GBF1: variants seen among roughly 807,000 people sequenced by gnomAD.
GBF1 encodes golgi brefeldin A resistant guanine nucleotide exchange factor 1, also known as Golgi-specific brefeldin A-resistance guanine nucleotide exchange factor 1.
In GBF1, 114 loss-of-function variants were observed where a neutral mutation model predicts 210.5. The ratio of observed to expected loss-of-function variants is 0.54; its 90% CI spans 0.47 to 0.63. The LOEUF is 0.63. Ranked by LOEUF, GBF1 falls within the 30% of genes least tolerant of loss-of-function variation. GBF1 has a pLI of 0.00. For missense variants in GBF1, 1,851 were observed against 2,357.7 expected, an observed-to-expected ratio of 0.79 and a Z score of 4.45; for synonymous variants, 850 against 889.2, an observed-to-expected ratio of 0.96 and a Z score of 0.78.
intron 39 of GBF1, 123 bp from the exon 40 acceptor site, chr10:102,381,933 G>T (rs1265871411): frequency 1.3e-5 from 9 of 701,190 alleles, no homozygotes; most frequent in Non-Finnish European, 1.8e-5. Context: ...AGGCTGGTGG[G>T]GGGCCGTGTT....
chr10:102,358,123 A>G lies in GBF1; in HGVS notation c.724A>G (p.Lys242Glu). 2 of 1,613,328 alleles carry G rather than the reference A, an allele frequency of 1.2e-6. No homozygotes were observed. The highest frequency in any genetic ancestry group is 8.5e-7 in the Non-Finnish European group (1 of 1,179,234). ...RSPRPPRHMT[K>E]VTPGSELPTP... ...CCCTCGGCCCCCACGCCATATGACC[A>G]AAGTCACACCAGGTTCAGAGCTGCC... is the stretch of plus-strand genomic sequence containing the variant. Residue 242 changes from lysine to glutamate, a missense_variant, in exon 9 of 40, where the codon AAA (lysine) becomes GAA (glutamate). Physicochemically the swap from Lys to Glu is moderately conservative, Grantham distance 56. Around this residue, in one of 3 missense-constraint regions of GBF1, gnomAD observed 804 missense variants for 958.6 expected, o/e 0.84. Coordinates refer to ENST00000369983, the MANE Select transcript of GBF1 (RefSeq NM_001377137.1).
intron 23 of GBF1, 148 bp downstream of exon 23, chr10:102,368,980 G>A: frequency 1.5e-6 from 1 of 651,222 alleles, no homozygotes; most frequent in Non-Finnish European, 2.7e-6. Flanking sequence ...GGCCATTTCT[G>A]TCTTGCACAC....
Position 102,366,263 on chromosome 10 carries a change from T to A in GBF1, c.2310-120T>A, listed in dbSNP as rs562017426. ...GGGATGAACAGGAGATACTGCCCCT[T>A]TACTAGAGACCTCAGCCTCCTCTCT... On this transcript the variant is annotated intron_variant, in intron 18 of 39. Transcript: ENST00000369983. This position sits in a 1 kb window ranked among gnomAD's most constrained non-coding sequence, Gnocchi z 4.0. 280 of 997,774 alleles carry A rather than the reference T, an allele frequency of 2.8e-4. No individual in the cohort carries two copies. Among genetic ancestry groups the A allele is most frequent in the Non-Finnish European group, 4.0e-4 (258 of 649,892 alleles). 61.8% of individuals were successfully genotyped at this position (997,774 alleles called of 1,614,324 possible). A position where few individuals can be genotyped will look rare whatever the true frequency, so the allele number is the denominator to read the frequency against.
rs2059940726 is a variant in GBF1 at position 102,366,844 on chromosome 10, C to T, written c.2434-241C>T. Among the ~76,000 whole-genome samples, 1 of 152,108 alleles carries T rather than the reference C, an allele frequency of 6.6e-6. No homozygotes were observed. The highest frequency in any genetic ancestry group is 2.4e-5 in the African/African-American group (1 of 41,420). Reference sequence around the variant, plus strand: ...CGGGTGATCCGCCCACCTCGGCCTCCCTGAGTGCTGGGATTACAAGCGTGA... The same window carrying T: ...CGGGTGATCCGCCCACCTCGGCCTCTCTGAGTGCTGGGATTACAAGCGTGA... On this transcript the variant is annotated intron_variant, in intron 19 of 39. Transcript: ENST00000369983. The surrounding 1 kb of genome is among the most constrained non-coding windows in gnomAD (Gnocchi z 4.0).
chr10:102,295,228 A>G (rs1565073637), intron 3 of GBF1, among the ~76,000 whole-genome samples: 1 of 152,228 alleles, frequency 6.6e-6, no homozygotes, highest in Admixed American at 6.5e-5. Flanking sequence ...CCAGAGAACT[A>G]AACTCAAAAA....
chr10:102,349,546 A>G (rs2058796150), intron 4 of GBF1, among the ~76,000 whole-genome samples: 1 of 152,172 alleles, frequency 6.6e-6, no homozygotes, highest in Non-Finnish European at 1.5e-5. Flanking sequence ...AATTCAAAAG[A>G]AAGAGAGAGA....
chr10:102,300,180 T>TGG (rs1246753159), intron 3 of GBF1, among the ~76,000 whole-genome samples: 3 of 152,200 alleles, frequency 2.0e-5, no homozygotes, highest in African/African-American at 7.2e-5. Flanking sequence ...ACAAAATAGC[T>TGG]TTGGTCTTAG....
At chr10:102,280,232 G>A (rs2075365163) in intron 3 of GBF1, among the ~76,000 whole-genome samples, 1 of 152,122 alleles carries the variant, frequency 6.6e-6, no homozygotes. Flanking sequence ...GGGATGGGGA[G>A]GCAAGGGTAG....
chr10:102,352,575 C>A, intron 7 of GBF1, 57 bp downstream of exon 7: 1 of 1,216,774 alleles, frequency 8.2e-7, no homozygotes, highest in Non-Finnish European at 1.2e-6. Context: ...AGTCTGCCTG[C>A]TTCCACACAG....
chr10:102,276,093 C>A (rs1437262051), intron 3 of GBF1, among the ~76,000 whole-genome samples: 1 of 151,786 alleles, frequency 6.6e-6, no homozygotes, highest in Admixed American at 6.6e-5. Context: ...GAAAATTAGC[C>A]GGGCATGGGT....
chr10:102,246,758 C>T (rs1390270891), intron 1 of GBF1, among the ~76,000 whole-genome samples: 1 of 152,164 alleles, frequency 6.6e-6, no homozygotes, highest in Non-Finnish European at 1.5e-5. Context: ...AAAAGTCCAC[C>T]AAGGGTAACG....
At chr10:102,373,741 TATA>T (rs766555210) in intron 29 of GBF1, among the ~76,000 whole-genome samples, 11 of 152,194 alleles carry the variant, frequency 7.2e-5, no homozygotes, top group Non-Finnish European at 1.5e-4. Flanking sequence ...AAATGAAACA[TATA>T]ATTACCATAC....
At chr10:102,231,002 C>A in the GBF1 span, 1 of 1,599,914 alleles carries the variant, frequency 6.3e-7, no homozygotes, top group Non-Finnish European at 8.5e-7. Context: ...TAGGGCGGCA[C>A]CAGCCCCCCG....
At chr10:102,266,674 A>G (rs369254656) in intron 3 of GBF1, among the ~76,000 whole-genome samples, 1 of 152,256 alleles carries the variant, frequency 6.6e-6, no homozygotes, top group South Asian at 2.1e-4. Context: ...AGTAAAAACA[A>G]TAGCTCATAT....
At chr10:102,275,904 A>C (rs2133369230) in intron 3 of GBF1, among the ~76,000 whole-genome samples, 1 of 152,336 alleles carries the variant, frequency 6.6e-6, no homozygotes, top group East Asian at 1.9e-4. Flanking sequence ...CAAGTGAGCC[A>C]AGACTGCATC....
chr10:102,327,304 T>C (rs1565114251), intron 3 of GBF1, among the ~76,000 whole-genome samples: 1 of 152,164 alleles, frequency 6.6e-6, no homozygotes, highest in Non-Finnish European at 1.5e-5. Context: ...GAGGAAAATA[T>C]AGAGCTGGTG....
intron 1 of GBF1, among the ~76,000 whole-genome samples, chr10:102,257,143 T>TG (rs2072514783): frequency 1.3e-5 from 2 of 152,230 alleles, no homozygotes; most frequent in South Asian, 4.1e-4. Context: ...GTTATAAGTT[T>TG]GGGTATATTA....
intron 17 of GBF1, among the ~76,000 whole-genome samples, chr10:102,364,983 T>C (rs2059830579): frequency 6.6e-6 from 1 of 152,200 alleles, no homozygotes; most frequent in Non-Finnish European, 1.5e-5. Context: ...GTTAGTCCAC[T>C]TTGTCTTTCA....
chr10:102,258,924 G>C lies in GBF1; in HGVS notation c.-10-5G>C. ...ACCAGACTATTATCTTAACTGTTTT[G>C]GTAGGTTTGCCAAGATGGTGGATAA... On this transcript the variant is annotated splice_polypyrimidine_tract_variant and splice_region_variant and intron_variant, in intron 1 of 39. Coordinates refer to ENST00000369983, the MANE Select transcript of GBF1 (RefSeq NM_001377137.1). 1 of 1,420,104 alleles carries C rather than the reference G, an allele frequency of 7.0e-7. No homozygotes were observed. Among genetic ancestry groups the C allele is most frequent in the Non-Finnish European group, 1.0e-6 (1 of 1,002,988 alleles). The allele number at this position is 1,420,104 out of a possible 1,614,324, so 88.0% of individuals were successfully genotyped here.
Sources: gnomAD v4.1 joint callset for allele counts (sites outside exome capture counted in the v4.1 genomes callset) on GRCh38, gnomAD v4.1.1 for gene constraint, gnomAD v4.1.1 regional missense constraint, Gnocchi (gnomAD v3.1) non-coding constraint, MANE v1.5 for transcripts, NCBI Gene and HGNC (gene_info 2026-07-23, HGNC 2026-07-21) for gene names.